SBF1: variants seen among roughly 807,000 people sequenced by gnomAD.
The protein encoded by SBF1 is SET binding factor 1.
A neutral mutation model predicts 215.8 loss-of-function variants in SBF1; 65 were observed. The ratio of observed to expected loss-of-function variants is 0.30; its 90% CI spans 0.25 to 0.37. The LOEUF (loss-of-function observed/expected upper bound fraction) is 0.37, where lower values mean the gene tolerates loss of function less well. Among genes scored for constraint, SBF1 ranks in the 10% least tolerant of loss-of-function variants. SBF1 has a pLI of 1.00. For missense variants in SBF1, 2,634 were observed against 2,667.8 expected (o/e 0.99, Z 0.28); for synonymous variants, 1,410 against 1,122.8 (o/e 1.26, Z -5.11).
rs771002611 is a variant in SBF1, at chr22:50,460,326, TG to T, written c.3228del (p.Ser1077AlafsTer28). On this transcript the variant is annotated frameshift_variant, in exon 25 of 41. Coordinates refer to ENST00000380817, the MANE Select transcript of SBF1 (RefSeq NM_002972.4). LOFTEE classifies it high-confidence loss of function. ...GGCGGCTGGCCCCGGTGCTCCCAGC[TG>T]GGGGGGTTGTACTTCTTGCGAGTGA... ...QHVTRKKYNP[P>X]SWEHRGQPPP... 3 of 1,612,870 alleles carry T rather than the reference TG, an allele frequency of 1.9e-6. No individual in the cohort carries two copies. The highest frequency in any genetic ancestry group is 2.5e-6 in the Non-Finnish European group (3 of 1,179,342).
chr22:50,461,297 G>T lies in SBF1; in HGVS notation c.2840-11C>A, dbSNP rs1374206476. 6.5e-7 allele frequency: 1 copy of T among 1,548,726 alleles called. No individual in the cohort carries two copies. Among genetic ancestry groups the T allele is most frequent in the Non-Finnish European group, 8.8e-7 (1 of 1,134,478 alleles). ...CCACCTGCTCCCCAACTTAGGACAG[G>T]CCAGGCAGAGTCAGAAGCAAGGAAG... On this transcript the variant is annotated splice_polypyrimidine_tract_variant and intron_variant, in intron 22 of 40. Coordinates refer to ENST00000380817, the MANE Select transcript of SBF1 (RefSeq NM_002972.4).
At chr22:50,457,573 C>G (rs1002899739) in intron 28 of SBF1, among the ~76,000 whole-genome samples, 9 of 152,220 alleles carry the variant, frequency 5.9e-5, no homozygotes, top group Non-Finnish European at 1.0e-4. Flanking sequence ...GGAGAAGAGG[C>G]GACCTGGAGG....
chr22:50,457,160 G>T, intron 28 of SBF1, 49 bp from the exon 29 acceptor site: 1 of 1,396,542 alleles, frequency 7.2e-7, no homozygotes, highest in Non-Finnish European at 9.4e-7. Context: ...AGGCCTGGGC[G>T]TGCCCAGCTT....
At chr22:50,460,473 G>A (rs1190536915) in intron 24 of SBF1, 61 bp downstream of exon 24, 9 of 1,608,102 alleles carry the variant, frequency 5.6e-6, no homozygotes, top group East Asian at 2.2e-5. Flanking sequence ...AGGGGCCTAG[G>A]AGGGTTGGAG....
Position 50,455,673 on chromosome 22 carries a change from G to C in SBF1, c.4267-91C>G, listed in dbSNP as rs1209734925. 5 of 1,089,448 alleles carry C rather than the reference G, an allele frequency of 4.6e-6. No homozygotes were observed. The Admixed American group carries it at 6.1e-5, about 13-fold the overall frequency. The allele number at this position is 1,089,448 out of a possible 1,614,324, so 67.5% of individuals were successfully genotyped here. ...CCAGAGACCCGCATGTCCACAGGCA[G>C]CGGGGAGGCAGGCCCTGTCCACAGC... On this transcript the variant is annotated intron_variant, in intron 31 of 40. Coordinates refer to ENST00000380817, the MANE Select transcript of SBF1 (RefSeq NM_002972.4).
rs2067869363 is a variant in SBF1, at chr22:50,468,389, T to C, written c.128A>G (p.Gln43Arg). The change falls in exon 2 of 41, where the codon CAG becomes CGG. Residue 43 changes from glutamine to arginine, a missense_variant. Transcript: ENST00000380817. Reference sequence around the variant, plus strand: ...CCCCCAACTCACCAGCTCGATGCCCTGGGGGAATGGGTTGTCCTCCCAGTC... The same window carrying C: ...CCCCCAACTCACCAGCTCGATGCCCCGGGGGAATGGGTTGTCCTCCCAGTC... ...EKDWEDNPFP[Q>R]GIELFCQPSG... 1 of 1,613,000 alleles carries C rather than the reference T, an allele frequency of 6.2e-7. No individual in the cohort carries two copies. The highest frequency in any genetic ancestry group is 1.7e-4 in the Middle Eastern group (1 of 6,056).
intron 28 of SBF1, among the ~76,000 whole-genome samples, chr22:50,458,018 G>C (rs1250409211): frequency 1.3e-5 from 2 of 152,228 alleles, no homozygotes; most frequent in African/African-American, 4.8e-5. Flanking sequence ...GGTCAGAGCT[G>C]GCCAGGCGCA....
rs149886696 is a variant in SBF1 at position 50,474,753 on chromosome 22, C to T, written c.55+33G>A. ...TGGCCCTCAGCACTCGACCCTCGGC[C>T]CCCGGCCCTCAGCGCTTGGCCTCGG... On this transcript the variant is annotated intron_variant, in intron 1 of 40. Transcript: ENST00000380817. 180,742 of 1,458,942 alleles carry T rather than the reference C, an allele frequency of 0.12. 12,725 individuals are homozygous for T. Among genetic ancestry groups the T allele is most frequent in the East Asian group, 0.31 (9,945 of 32,002 alleles). 90.4% of individuals were successfully genotyped at this position (1,458,942 alleles called of 1,614,324 possible). A position where few individuals can be genotyped will look rare whatever the true frequency, so the allele number is the denominator to read the frequency against.
At position 50,459,557 on chromosome 22, in the gene SBF1, G is replaced by A. The variant is rs1232684184; in HGVS notation, c.3601C>T (p.Arg1201Trp). The stretch of plus-strand genomic sequence containing the variant: ...GAGCGCAGCAGCACCGCCTTGGACC[G>A]CCCGCTGCGCCAGCAGACCACGGGG... ...RFPVVCWRSG[R>W]SKAVLLRSGG... is the part of the protein sequence containing the mutation. The change falls in exon 27 of 41, where the codon CGG becomes TGG. Residue 1201 changes from arginine to tryptophan, a missense_variant. Transcript: ENST00000380817. 8.7e-6 allele frequency: 14 copies of A among 1,608,636 alleles called. No individual in the cohort carries two copies. Among genetic ancestry groups the A allele is most frequent in the Non-Finnish European group, 8.5e-6 (10 of 1,179,038 alleles).
chr22:50,456,301 T>C lies in SBF1; in HGVS notation c.4181A>G (p.Lys1394Arg). ...QVKASFKKLL[K>R]ACVPGCPAAE... ...AGCGGGGCAGCCTGGGACACATGCT[T>C]TCAGCAGCTTCTTGAAGCTAGCCTT... The change falls in exon 31 of 41, where the codon AAA (lysine) becomes AGA (arginine). Residue 1394 changes from lysine to arginine, a missense_variant. By Grantham distance (26) the Lys-to-Arg change is conservative. Transcript: ENST00000380817. 2 of 1,612,988 alleles carry C rather than the reference T, an allele frequency of 1.2e-6. No individual in the cohort carries two copies. Among genetic ancestry groups the C allele is most frequent in the Non-Finnish European group, 1.7e-6 (2 of 1,179,966 alleles).
rs760137821 is a variant in SBF1 at position 50,455,279 on chromosome 22, C to G, written c.4499G>C (p.Gly1500Ala). Residue 1500 changes from glycine (G) to alanine (A), a missense_variant, in exon 33 of 41, where the codon GGG becomes GCG. By Grantham distance (60) the Gly-to-Ala change is moderately conservative (BLOSUM62 0). Transcript: ENST00000380817. ...FSHRGAHTLAGQSSGFTPVFL... is the reference protein window; with the variant it reads ...FSHRGAHTLAAQSSGFTPVFL... Reference sequence around the variant, plus strand: ...GACGGGTGTGAAGCCGCTGCTCTGCCCGGCCAGGGTGTGAGCTCCACGGTG... The same window carrying G: ...GACGGGTGTGAAGCCGCTGCTCTGCGCGGCCAGGGTGTGAGCTCCACGGTG... The G allele has an allele frequency of 1.2e-6, 2 of 1,613,458 alleles. No homozygotes were observed. Among genetic ancestry groups the G allele is most frequent in the Admixed American group, 3.3e-5 (2 of 60,004 alleles).
chr22:50,446,494 T>G lies in SBF1; in HGVS notation c.*648A>C, dbSNP rs943262003. 1.7e-5 allele frequency: 4 copies of G among 232,884 alleles called. No individual in the cohort carries two copies. The highest frequency in any genetic ancestry group is 3.5e-5 in the Non-Finnish European group (4 of 114,306). The allele number at this position is 232,884 out of a possible 1,614,324, so 14.4% of individuals were successfully genotyped here. ...CCACCCACCCTTTCACCCCCAAGCC[T>G]CTGTGAGGTCAGCTTCTGCATCCCC... On this transcript the variant is annotated 3_prime_UTR_variant, in exon 41 of 41. Transcript: ENST00000380817.
Position 50,466,609 on chromosome 22 carries a change from C to T in SBF1, c.651G>A (p.Gln217=), listed in dbSNP as rs1292863100. ...GGGTGGGACAGACAGGCTCACCTAG[C>T]TGGCGGAAGAGCAGGGCCACGCTGC... ...SRCSVALLFR[Q]LGITNVLSLF... is the part of the protein sequence containing the mutation. The change falls in exon 6 of 41, where the codon CAG becomes CAA. Residue 217 remains glutamine, a synonymous_variant. Transcript: ENST00000380817. The T allele has an allele frequency of 2.6e-5, 41 of 1,549,928 alleles. No homozygotes were observed. The highest frequency in any genetic ancestry group is 3.3e-5 in the Non-Finnish European group (38 of 1,145,906).
intron 22 of SBF1, 65 bp from the exon 23 acceptor site, chr22:50,461,351 G>C: frequency 8.4e-6 from 13 of 1,551,538 alleles, no homozygotes; most frequent in Non-Finnish European, 1.1e-5. Context: ...CAGAATCTCA[G>C]GGTACCACAG....
Position 50,459,274 on chromosome 22 carries a change from TGAG to T in SBF1, c.3804_3806del (p.Ser1269del), listed in dbSNP as rs779278293. 44 of 1,606,260 alleles carry T rather than the reference TGAG, an allele frequency of 2.7e-5. No individual in the cohort carries two copies. The highest frequency in any genetic ancestry group is 3.3e-5 in the Non-Finnish European group (39 of 1,174,496). ...CCTCACCGTGACTGCCCATGTGGGCTGAGGAGAAGCCGCTAAGCGTGTTGCGTC... is the reference window on the plus strand; with the variant it reads ...CCTCACCGTGACTGCCCATGTGGGCTGAGAAGCCGCTAAGCGTGTTGCGTC... On this transcript the variant is annotated inframe_deletion, in exon 28 of 41. Coordinates refer to ENST00000380817, the MANE Select transcript of SBF1 (RefSeq NM_002972.4).
At chr22:50,457,763 C>T (rs1388032477) in intron 28 of SBF1, among the ~76,000 whole-genome samples, 1 of 152,210 alleles carries the variant, frequency 6.6e-6, no homozygotes, top group Non-Finnish European at 1.5e-5. Context: ...GCCTGGGGTC[C>T]ACAGAGGGTC....
At chr22:50,459,444 G>A (rs60676514) in intron 27 of SBF1, 26 bp downstream of exon 27, 2 of 1,611,832 alleles carry the variant, frequency 1.2e-6, no homozygotes, top group Non-Finnish European at 1.7e-6. Flanking sequence ...GGGCAGGGCA[G>A]GCACAGGGCA....
intron 26 of SBF1, 106 bp from the exon 27 acceptor site, chr22:50,459,772 G>A (rs1028039064): frequency 1.5e-5 from 20 of 1,365,408 alleles, no homozygotes; most frequent in African/African-American, 1.0e-4. Flanking sequence ...AGCAGGAGGC[G>A]CTTCCAGCTC....
rs541812137 is a variant in SBF1 at position 50,448,569 on chromosome 22, G to A, written c.5125C>T (p.Arg1709Cys). Residue 1709 changes from arginine to cysteine, a missense_variant, in exon 37 of 41, where the codon CGC (arginine) becomes TGC (cysteine). By Grantham distance (180) the Arg-to-Cys change is radical (BLOSUM62 -3). Transcript: ENST00000380817. ...DTWDRVKAAQRLEGRPDGRGT... is the reference protein window; with the variant it reads ...DTWDRVKAAQCLEGRPDGRGT... ...CGGCCGTCTGGCCGGCCCTCGAGGC[G>A]CTGTGCAGCCTTCACCCGGTCCCAG... The A allele has an allele frequency of 1.2e-5, 19 of 1,612,004 alleles. No individual in the cohort carries two copies. The highest frequency in any genetic ancestry group is 6.7e-5 in the Admixed American group (4 of 60,028).
Sources: gnomAD v4.1 joint callset for allele counts (sites outside exome capture counted in the v4.1 genomes callset) on GRCh38, gnomAD v4.1.1 for gene constraint, MANE v1.5 for transcripts, NCBI Gene and HGNC (gene_info 2026-07-23, HGNC 2026-07-21) for gene names.